The following CPSF6 variants were observed in gnomAD, a reference collection of about 807,000 sequenced individuals.
CPSF6 encodes cleavage and polyadenylation specificity factor subunit 6.
Under a neutral mutation model 56.7 loss-of-function variants are expected in CPSF6, and 10 were observed. That is an observed-to-expected ratio of 0.18 (90% CI 0.11 to 0.30). The LOEUF is 0.30. Among genes scored for constraint, CPSF6 ranks in the 10% least tolerant of loss-of-function variants. The pLI, the probability that CPSF6 is intolerant of heterozygous loss-of-function variation, is 1.00. For synonymous variants in CPSF6, 248 were observed against 244.8 expected, an observed-to-expected ratio of 1.01 and a Z score of -0.12; for missense variants, 419 against 722.9, an observed-to-expected ratio of 0.58 and a Z score of 4.82.
At position 69,271,471 on chromosome 12, in the gene CPSF6, A is replaced by C. The variant is rs1873238125; in HGVS notation, c.*1963A>C. ...TTTAAAAATGGAATCACAAAAATCT[A>C]ACTGCACTTGAAATGAAACTGGAAA... is the stretch of plus-strand genomic sequence containing the variant. On this transcript the variant is annotated 3_prime_UTR_variant, in exon 10 of 10. Coordinates refer to ENST00000435070, the MANE Select transcript of CPSF6 (RefSeq NM_007007.3). The C allele has an allele frequency of 6.6e-6, 1 of 151,818 alleles. No individual in the cohort carries two copies. The highest frequency in any genetic ancestry group is 1.5e-5 in the Non-Finnish European group (1 of 67,704). 9.4% of individuals were successfully genotyped at this position (151,818 alleles called of 1,614,324 possible).
rs1872601172 is a variant in CPSF6, at chr12:69,258,498, C to G, written c.695-92C>G. 12 of 1,294,832 alleles carry G rather than the reference C, an allele frequency of 9.3e-6. No individual in the cohort carries two copies. Among genetic ancestry groups the G allele is most frequent in the Non-Finnish European group, 1.2e-5 (11 of 954,070 alleles). The allele number at this position is 1,294,832 out of a possible 1,614,324, so 80.2% of individuals were successfully genotyped here. On this transcript the variant is annotated intron_variant, in intron 5 of 9. Transcript: ENST00000435070. This position sits in a 1 kb window ranked among gnomAD's most constrained non-coding sequence, Gnocchi z 4.2. ...TAAAGACAAAGACTTGGTGTATGCT[C>G]TATGCGTTTAAAGTATAATCTTGGC...
chr12:69,245,603 G>A (rs1871859744), intron 1 of CPSF6, among the ~76,000 whole-genome samples: 1 of 152,154 alleles, frequency 6.6e-6, no homozygotes, highest in African/African-American at 2.4e-5. Flanking sequence ...TATGTGTAAA[G>A]TTTTGTTGAT....
Position 69,258,459 on chromosome 12 carries a change from A to T in CPSF6, c.695-131A>T. ...TGTAGTTGGTAGTGTAACATTTACC[A>T]TACGGGTTTAATTTAAAGACAAAGA... On this transcript the variant is annotated intron_variant, in intron 5 of 9. Coordinates refer to ENST00000435070, the MANE Select transcript of CPSF6 (RefSeq NM_007007.3). The surrounding 1 kb of genome is among the most constrained non-coding windows in gnomAD (Gnocchi z 4.2). 1 of 911,638 alleles carries T rather than the reference A, an allele frequency of 1.1e-6. No individual in the cohort carries two copies. The highest frequency in any genetic ancestry group is 1.6e-6 in the Non-Finnish European group (1 of 625,354). 56.5% of individuals were successfully genotyped at this position (911,638 alleles called of 1,614,324 possible).
rs1344655489 is a variant in CPSF6 at position 69,258,083 on chromosome 12, A to AAC, written c.694+179_694+180insCA. On this transcript the variant is annotated intron_variant, in intron 5 of 9. Transcript: ENST00000435070. This position sits in a 1 kb window ranked among gnomAD's most constrained non-coding sequence, Gnocchi z 4.2. ...AAAGGAACTCGGCCTTTGTTCCTGG[A>AAC]AACTAGGATTCCATGGCATATGGGG... 6.5e-7 allele frequency: 1 copy of AAC among 1,536,910 alleles called. No homozygotes were observed.
At chr12:69,256,868 T>G in intron 4 of CPSF6, 26 bp downstream of exon 4, 1 of 1,571,988 alleles carries the variant, frequency 6.4e-7, no homozygotes, top group South Asian at 1.2e-5. Context: ...AGGCTTTTAT[T>G]AAAATATGTA....
intron 1 of CPSF6, among the ~76,000 whole-genome samples, chr12:69,249,341 C>CT (rs1414833441): frequency 6.6e-6 from 1 of 151,930 alleles, no homozygotes; most frequent in East Asian, 1.9e-4. Context: ...TCTGGCTCTC[C>CT]TTTAAATAGC....
In CPSF6 at chr12:69,271,912, T is replaced by G. The variant is rs1873263912; in HGVS notation, c.*2404T>G. On this transcript the variant is annotated 3_prime_UTR_variant, in exon 10 of 10. Transcript: ENST00000435070. ...CAAAAACAGTGTCTCAGAGACCTTT[T>G]CATTTTTTCCTTAGTTAATAACTGT... 1 of 151,740 alleles carries G rather than the reference T, an allele frequency of 6.6e-6. No individual in the cohort carries two copies. Among genetic ancestry groups the G allele is most frequent in the East Asian group, 1.9e-4 (1 of 5,200 alleles). 9.4% of individuals were successfully genotyped at this position (151,740 alleles called of 1,614,324 possible). A position where few individuals can be genotyped will look rare whatever the true frequency, so the allele number is the denominator to read the frequency against.
rs956361710 is a variant in CPSF6 at position 69,266,029 on chromosome 12, A to G, written c.*3+3467A>G. On this transcript the variant is annotated intron_variant, in intron 9 of 9. Coordinates refer to ENST00000435070, the MANE Select transcript of CPSF6 (RefSeq NM_007007.3). ...CTTATTAGCTTTGTGTTAATTTTGAAAAAAAAAAAAAAAGCCAAAAGAATA... is the reference window on the plus strand; with the variant it reads ...CTTATTAGCTTTGTGTTAATTTTGAGAAAAAAAAAAAAAGCCAAAAGAATA... Among the ~76,000 whole-genome samples the G allele has an allele frequency of 3.5e-4, 10 of 28,610 alleles. No homozygotes were observed. In the South Asian group the frequency reaches 0.013, roughly 36 times the overall value. 18.8% of individuals were successfully genotyped at this position (28,610 alleles called of 152,430 possible). A position where few individuals can be genotyped will look rare whatever the true frequency, so the allele number is the denominator to read the frequency against.
chr12:69,259,157 A>G, intron 6 of CPSF6, 63 bp downstream of exon 6: 1 of 1,491,972 alleles, frequency 6.7e-7, no homozygotes, highest in East Asian at 2.3e-5. Flanking sequence ...GACTGTAAAT[A>G]TTAGATTGTA....
rs1491257320 is a variant in CPSF6 at position 69,249,152 on chromosome 12, C to CGGTGGGGGGG, written c.61-1975_61-1974insTGGGGGGGGG. 2.0e-3 allele frequency among the ~76,000 whole-genome samples: 34 copies of CGGTGGGGGGG among 16,590 alleles called. 7 individuals are homozygous for CGGTGGGGGGG. Among genetic ancestry groups the CGGTGGGGGGG allele is most frequent in the East Asian group, 0.01 (5 of 482 alleles). 10.9% of individuals were successfully genotyped at this position (16,590 alleles called of 152,430 possible). A position where few individuals can be genotyped will look rare whatever the true frequency, so the allele number is the denominator to read the frequency against. ...GCGGGCGCCTGTAGTCCCAGCTACT[C>CGGTGGGGGGG]GGGGGGGGGGGGGGGGGCTGAGGCA... is the stretch of plus-strand genomic sequence containing the variant. On this transcript the variant is annotated intron_variant, in intron 1 of 9. Coordinates refer to ENST00000435070, the MANE Select transcript of CPSF6 (RefSeq NM_007007.3).
intron 9 of CPSF6, among the ~76,000 whole-genome samples, chr12:69,263,294 T>C (rs1055759994): frequency 1.3e-5 from 2 of 152,140 alleles, no homozygotes; most frequent in African/African-American, 4.8e-5. Context: ...TTTTCTTTGA[T>C]GTTTCATTCA....
At position 69,271,731 on chromosome 12, in the gene CPSF6, A is replaced by G. The variant is rs1320166958; in HGVS notation, c.*2223A>G. 6.6e-6 allele frequency: 1 copy of G among 151,746 alleles called. No homozygotes were observed. The highest frequency in any genetic ancestry group is 6.6e-5 in the Admixed American group (1 of 15,236). The allele number at this position is 151,746 out of a possible 1,614,324, so 9.4% of individuals were successfully genotyped here. A position where few individuals can be genotyped will look rare whatever the true frequency, so the allele number is the denominator to read the frequency against. On this transcript the variant is annotated 3_prime_UTR_variant, in exon 10 of 10. Coordinates refer to ENST00000435070, the MANE Select transcript of CPSF6 (RefSeq NM_007007.3). Reference sequence around the variant, plus strand: ...ATTTTGCAAAGTCCTTCTCTACCTGATAACACGTGAATGTATAGCAGTAAA... The same window carrying G: ...ATTTTGCAAAGTCCTTCTCTACCTGGTAACACGTGAATGTATAGCAGTAAA...
rs3051105 is a variant in CPSF6 at position 69,272,869 on chromosome 12, A to AGT, written c.*3388_*3389dup. 0.12 allele frequency: 17,877 copies of AGT among 153,970 alleles called. 2,022 individuals are homozygous for AGT. Among genetic ancestry groups the AGT allele is most frequent in the African/African-American group, 0.31 (12,372 of 40,076 alleles). 9.5% of individuals were successfully genotyped at this position (153,970 alleles called of 1,614,324 possible). On this transcript the variant is annotated 3_prime_UTR_variant, in exon 10 of 10. Coordinates refer to ENST00000435070, the MANE Select transcript of CPSF6 (RefSeq NM_007007.3). ...AAGCATTCTATTTTTCTGTTCTTAC[A>AGT]GTGTGTGTGTGTGTGTGTGTGTGTG...
At chr12:69,261,960 T>C (rs191785571) in intron 8 of CPSF6, among the ~76,000 whole-genome samples, 123 of 152,348 alleles carry the variant, frequency 8.1e-4, no homozygotes, top group African/African-American at 2.6e-3. Flanking sequence ...CATATTCATG[T>C]ATTTAAGCCC....
intron 7 of CPSF6, 77 bp downstream of exon 7, chr12:69,259,620 G>C: frequency 8.3e-7 from 1 of 1,206,194 alleles, no homozygotes; most frequent in South Asian, 1.5e-5. Context: ...CAATCTAGAA[G>C]ATAGGTCATT....
rs1043153679 is a variant in CPSF6, at chr12:69,253,270, C to T, written c.374+116C>T. ...TGTATACACATGTATACAAACAACA[C>T]ATGATTGTTTACATTGGAAGGAGGT... On this transcript the variant is annotated intron_variant, in intron 3 of 9. Transcript: ENST00000435070. 7.8e-6 allele frequency: 4 copies of T among 514,584 alleles called. No individual in the cohort carries two copies. In the African/African-American group the frequency reaches 8.0e-5, roughly 10 times the overall value. The allele number at this position is 514,584 out of a possible 1,614,324, so 31.9% of individuals were successfully genotyped here.
At chr12:69,248,840 T>C (rs1412893876) in intron 1 of CPSF6, among the ~76,000 whole-genome samples, 1 of 152,168 alleles carries the variant, frequency 6.6e-6, no homozygotes, top group African/African-American at 2.4e-5. Context: ...AACTAGTAAA[T>C]TGGATAAGTC....
At chr12:69,251,097 G>T (rs1355608332) in intron 1 of CPSF6, 32 bp from the exon 2 acceptor site, 1 of 1,578,642 alleles carries the variant, frequency 6.3e-7, no homozygotes, top group Non-Finnish European at 8.6e-7. Context: ...TTTGACTTTT[G>T]TATAATCTAG....
At chr12:69,264,168 GTTA>G (rs1872869992) in intron 9 of CPSF6, among the ~76,000 whole-genome samples, 1 of 151,980 alleles carries the variant, frequency 6.6e-6, no homozygotes, top group African/African-American at 2.4e-5. Context: ...TTGTGACTGG[GTTA>G]TTAGTTGAAA....
Sources: gnomAD v4.1 joint callset for allele counts (sites outside exome capture counted in the v4.1 genomes callset) on GRCh38, gnomAD v4.1.1 for gene constraint, Gnocchi (gnomAD v3.1) non-coding constraint, MANE v1.5 for transcripts, NCBI Gene and HGNC (gene_info 2026-07-23, HGNC 2026-07-21) for gene names.